The following ACP2 variants were observed in gnomAD, a reference collection of about 807,000 sequenced individuals.
ACP2 encodes the protein acid phosphatase 2, lysosomal.
ACP2 carries 35 observed loss-of-function variants against 54.7 expected under a neutral mutation model. That is an observed-to-expected ratio of 0.64 (90% confidence interval 0.49 to 0.85). ACP2 has a LOEUF of 0.85. ACP2 is among the 40% of genes least tolerant of loss of function. ACP2 has a pLI of 0.00. For synonymous variants in ACP2, 210 were observed against 224.4 expected, an observed-to-expected ratio of 0.94 and a Z score of 0.57; for missense variants, 492 against 565.0, an observed-to-expected ratio of 0.87 and a Z score of 1.31.
chr11:47,248,638 G>A (rs773468892), intron 1 of ACP2, 38 bp downstream of exon 1: 1 of 1,585,018 alleles, frequency 6.3e-7, no homozygotes, highest in Non-Finnish European at 8.6e-7. Flanking sequence ...TGCCCTTTTA[G>A]CTTCAGGGAA....
At chr11:47,247,357 C>T (rs1286947713) in intron 3 of ACP2, 18 of 520,952 alleles carry the variant, frequency 3.5e-5, no homozygotes, top group South Asian at 3.2e-4. Flanking sequence ...TACTCAATGT[C>T]TTGGATGGAA....
chr11:47,247,688 G>A lies in ACP2; in HGVS notation c.250C>T (p.Arg84Trp), dbSNP rs747401772. Residue 84 changes from arginine to tryptophan, a missense_variant, in exon 3 of 11, where the codon CGG becomes TGG. Physicochemically the swap from Arg to Trp is moderately radical, Grantham distance 101. Coordinates refer to ENST00000672073, the MANE Select transcript of ACP2 (RefSeq NM_001610.4). ...TTTAGGAAGCCGTGATAGCGCTGCC[G>A]CAGGGCCTGGCCCAGTTCCCAGTGC... ...LQHWELGQAL[R>W]QRYHGFLNTS... 2.0e-5 allele frequency: 33 copies of A among 1,613,970 alleles called. No individual in the cohort carries two copies. Among genetic ancestry groups the A allele is most frequent in the African/African-American group, 8.0e-5 (6 of 74,946 alleles).
At chr11:47,242,571 T>C (rs2135526928) in intron 10 of ACP2, 152 bp downstream of exon 10, 1 of 791,764 alleles carries the variant, frequency 1.3e-6, no homozygotes, top group Non-Finnish European at 2.0e-6. Context: ...GGGTGAGAAG[T>C]GGGGAGAAGG....
chr11:47,247,306 C>T, intron 3 of ACP2: 1 of 403,826 alleles, frequency 2.5e-6, no homozygotes, highest in South Asian at 2.3e-5. Context: ...TGGTGCACAA[C>T]TGAATGCAAA....
chr11:47,248,762 G>T lies in ACP2; in HGVS notation c.28C>A (p.Arg10=), dbSNP rs41275182. 1.1e-5 allele frequency: 18 copies of T among 1,601,372 alleles called. No individual in the cohort carries two copies. The highest frequency in any genetic ancestry group is 1.5e-5 in the Non-Finnish European group (18 of 1,174,224). MAGKRSGWS[R]AALLQLLLGV... ...AGAAGGAGCTGGAGGAGAGCCGCCC[G>T]GCTCCAGCCGGACCGCTTGCCCGCC... Residue 10 remains arginine (R), a synonymous_variant, in exon 1 of 11, where the codon CGG becomes AGG. Transcript: ENST00000672073.
In ACP2 at chr11:47,248,805, T is replaced by C. The variant is rs1335512940; in HGVS notation, c.-16A>G. 1.9e-6 allele frequency: 3 copies of C among 1,577,468 alleles called. No individual in the cohort carries two copies. The highest frequency in any genetic ancestry group is 1.8e-5 in the Admixed American group (1 of 54,460). On this transcript the variant is annotated 5_prime_UTR_variant, in exon 1 of 11. Coordinates refer to ENST00000672073, the MANE Select transcript of ACP2 (RefSeq NM_001610.4). ...TGCCCGCCATCACCGTTGTAATCTATGCAGCAAACAAGCTGGAACCCGCTG... is the reference window on the plus strand; with the variant it reads ...TGCCCGCCATCACCGTTGTAATCTACGCAGCAAACAAGCTGGAACCCGCTG...
At chr11:47,247,931 C>T in intron 2 of ACP2, 107 bp downstream of exon 2, 1 of 1,054,878 alleles carries the variant, frequency 9.5e-7, no homozygotes, top group Non-Finnish European at 1.4e-6. Flanking sequence ...TCAAAGTCAG[C>T]ACCCATATGG....
In ACP2 at chr11:47,245,467, C is replaced by T; in HGVS notation, c.549+7G>A. Reference sequence around the variant, plus strand: ...GCGTGGTGAGCTGCACCTCTGCCCCCACTCACTGCATTCCGAGAACTCTCA... The same window carrying T: ...GCGTGGTGAGCTGCACCTCTGCCCCTACTCACTGCATTCCGAGAACTCTCA... On this transcript the variant is annotated splice_region_variant and intron_variant, in intron 5 of 10. Coordinates refer to ENST00000672073, the MANE Select transcript of ACP2 (RefSeq NM_001610.4). 1 of 1,614,226 alleles carries T rather than the reference C, an allele frequency of 6.2e-7. No individual in the cohort carries two copies. The highest frequency in any genetic ancestry group is 1.3e-5 in the African/African-American group (1 of 75,064).
chr11:47,245,579 A>G lies in ACP2; in HGVS notation c.451-7T>C. 2 of 1,614,226 alleles carry G rather than the reference A, an allele frequency of 1.2e-6. No individual in the cohort carries two copies. Among genetic ancestry groups the G allele is most frequent in the South Asian group, 2.2e-5 (2 of 91,086 alleles). On this transcript the variant is annotated splice_region_variant and splice_polypyrimidine_tract_variant and intron_variant, in intron 4 of 10. Coordinates refer to ENST00000672073, the MANE Select transcript of ACP2 (RefSeq NM_001610.4). ...CCAACGGGAACTTCAGCAGCTGTAG[A>G]GCGAAGCGGGGAAACAGGCAGCGGG... is the stretch of plus-strand genomic sequence containing the variant.
intron 10 of ACP2, among the ~76,000 whole-genome samples, chr11:47,240,954 C>T (rs1353957544): frequency 6.6e-6 from 1 of 152,084 alleles, no homozygotes; most frequent in African/African-American, 2.4e-5. Flanking sequence ...CAATGAATGA[C>T]ATACAACAAT....
intron 10 of ACP2, among the ~76,000 whole-genome samples, chr11:47,240,752 CAG>C (rs1168060152): frequency 6.7e-6 from 1 of 150,064 alleles, no homozygotes; most frequent in Non-Finnish European, 1.5e-5. Flanking sequence ...ACCTGGGAGA[CAG>C]AGGTTGCAGT....
At chr11:47,245,885 T>TGTGTGTGTGTGTGTGC (rs1554977125) in intron 3 of ACP2, 51 bp from the exon 4 acceptor site, 2 of 1,498,752 alleles carry the variant, frequency 1.3e-6, no homozygotes, top group Non-Finnish European at 1.8e-6. Flanking sequence ...TGTGTGTGTG[T>TGTGTGTGTGTGTGTGC]TGGGGAAGTT....
At chr11:47,242,551 C>A (rs192423005) in intron 10 of ACP2, among the ~76,000 whole-genome samples, 172 bp downstream of exon 10, 2 of 152,220 alleles carry the variant, frequency 1.3e-5, no homozygotes, top group East Asian at 3.9e-4. Context: ...ACAAGTGAGA[C>A]ATCACCCGAG....
chr11:47,242,463 G>A (rs1021443026), intron 10 of ACP2, among the ~76,000 whole-genome samples: 1 of 152,100 alleles, frequency 6.6e-6, no homozygotes, highest in African/African-American at 2.4e-5. Context: ...GCCACCCTAA[G>A]CGGTGGCTTC....
chr11:47,241,246 G>A lies in ACP2; in HGVS notation c.1139-997C>T, dbSNP rs562714181. Among the ~76,000 whole-genome samples the A allele has an allele frequency of 4.6e-5, 7 of 152,326 alleles. No homozygotes were observed. The South Asian group carries it at 6.2e-4, about 14-fold the overall frequency. ...TTTAAAAGTTAACTCAGTCGGCCGC[G>A]GTGGCTCATGCCTGTAATCCCAGCA... is the stretch of plus-strand genomic sequence containing the variant. On this transcript the variant is annotated intron_variant, in intron 10 of 10. Coordinates refer to ENST00000672073, the MANE Select transcript of ACP2 (RefSeq NM_001610.4).
In ACP2 at chr11:47,242,823, A is replaced by C. The variant is rs1462302017; in HGVS notation, c.1038T>G (p.Pro346=). Residue 346 remains proline (P), a synonymous_variant, in exon 10 of 11, where the codon CCT becomes CCG. Coordinates refer to ENST00000672073, the MANE Select transcript of ACP2 (RefSeq NM_001610.4). The stretch of plus-strand genomic sequence containing the variant: ...GGAAGTCCTGCAGTGGGCAGCGGTG[A>C]GGGCAGCCAGGCAGGCTGAGCGGCC... ...APWPLSLPGC[P]HRCPLQDFLR... The C allele has an allele frequency of 1.4e-5, 23 of 1,614,128 alleles. No individual in the cohort carries two copies. Among genetic ancestry groups the C allele is most frequent in the Non-Finnish European group, 1.9e-5 (23 of 1,179,966 alleles).
intron 10 of ACP2, among the ~76,000 whole-genome samples, chr11:47,240,593 G>A (rs959639393): frequency 4.6e-5 from 7 of 152,212 alleles, no homozygotes; most frequent in African/African-American, 1.7e-4. Context: ...GCCGAGGTGG[G>A]TGGATCACCT....
At chr11:47,246,578 A>G (rs1379242643) in intron 3 of ACP2, among the ~76,000 whole-genome samples, 2 of 152,078 alleles carry the variant, frequency 1.3e-5, no homozygotes, top group African/African-American at 2.4e-5. Flanking sequence ...CCTTTAAAAT[A>G]TATGTATATA....
chr11:47,248,614 C>T, intron 1 of ACP2, 62 bp downstream of exon 1: 1 of 1,562,696 alleles, frequency 6.4e-7, no homozygotes, highest in Non-Finnish European at 8.7e-7. Flanking sequence ...CCTCGACCTC[C>T]ACCAGCTGGC....
Sources: gnomAD v4.1 joint callset for allele counts (sites outside exome capture counted in the v4.1 genomes callset) on GRCh38, gnomAD v4.1.1 for gene constraint, MANE v1.5 for transcripts, NCBI Gene and HGNC (gene_info 2026-07-23, HGNC 2026-07-21) for gene names.